Variants in ORC3 observed in about 807,000 individuals in gnomAD.
ORC3 encodes the protein homolog of latheo, Drosophila.
Under a neutral mutation model 100.7 loss-of-function variants are expected in ORC3, and 78 were observed. That is an observed-to-expected ratio of 0.77 (90% CI 0.65 to 0.94). The LOEUF (loss-of-function observed/expected upper bound fraction) is 0.94, where lower values mean the gene tolerates loss of function less well. Ranked by LOEUF, ORC3 falls within the 40% of genes least tolerant of loss-of-function variation. ORC3 has a pLI of 0.00. For synonymous variants in ORC3, 295 were observed against 289.3 expected (o/e 1.02, Z -0.20); for missense variants, 789 against 823.9 (o/e 0.96, Z 0.52).
chr6:87,610,505 G>T (rs1431236615), intron 7 of ORC3, among the ~76,000 whole-genome samples: 2 of 151,826 alleles, frequency 1.3e-5, no homozygotes, highest in African/African-American at 2.4e-5. Flanking sequence ...ACAGACATGA[G>T]CCACCACACC....
intron 14 of ORC3, among the ~76,000 whole-genome samples, chr6:87,653,937 A>T (rs766350383): frequency 3.3e-4 from 50 of 152,284 alleles, no homozygotes; most frequent in Non-Finnish European, 6.0e-4. Flanking sequence ...CTAGCTTTTC[A>T]TGGGCTCTTC....
intron 11 of ORC3, among the ~76,000 whole-genome samples, chr6:87,627,908 C>T (rs1302021939): frequency 2.0e-5 from 3 of 152,172 alleles, no homozygotes; most frequent in Non-Finnish European, 4.4e-5. Context: ...TAAGCTAGAA[C>T]TAATCTATTA....
At chr6:87,593,634 G>A (rs1419657529) in intron 1 of ORC3, among the ~76,000 whole-genome samples, 1 of 152,210 alleles carries the variant, frequency 6.6e-6, no homozygotes, top group Non-Finnish European at 1.5e-5. Context: ...TAGATACTTC[G>A]AGTTTAAATA....
rs1582103731 is a variant in ORC3 at position 87,667,055 on chromosome 6, T to C, written c.2068T>C (p.Leu690=). The part of the protein sequence containing the change: ...FIRAVSELEL[L]GFIKPTKQKT... ...TAGAGCTGTTTCTGAACTAGAACTT[T>C]TAGGATTTATAAAACCTACCAAACA... The change falls in exon 20 of 20, where the codon TTA becomes CTA. Residue 690 remains leucine, a synonymous_variant. Coordinates refer to ENST00000392844, the MANE Select transcript of ORC3 (RefSeq NM_012381.4). 6.2e-7 allele frequency: 1 copy of C among 1,613,008 alleles called. No individual in the cohort carries two copies. Among genetic ancestry groups the C allele is most frequent in the Non-Finnish European group, 8.5e-7 (1 of 1,179,588 alleles).
At chr6:87,656,116 T>A (rs1044298980) in intron 14 of ORC3, among the ~76,000 whole-genome samples, 3 of 152,190 alleles carry the variant, frequency 2.0e-5, no homozygotes, top group Admixed American at 6.5e-5. Context: ...GCAGTTATGG[T>A]TTTCTTTCCC....
chr6:87,672,000 A>G (rs537207827), downstream of ORC3, among the ~76,000 whole-genome samples: 1 of 152,322 alleles, frequency 6.6e-6, no homozygotes, highest in East Asian at 1.9e-4. Flanking sequence ...AAAATTAATG[A>G]CAGTACAAAG....
At chr6:87,626,202 G>T (rs1184099293) in intron 11 of ORC3, among the ~76,000 whole-genome samples, 20 of 152,182 alleles carry the variant, frequency 1.3e-4, no homozygotes, top group Admixed American at 1.3e-3. Flanking sequence ...CTTTAAAGTA[G>T]TTTTTTCCAG....
At chr6:87,623,622 G>A (rs1039905081) in intron 11 of ORC3, among the ~76,000 whole-genome samples, 2 of 151,412 alleles carry the variant, frequency 1.3e-5, no homozygotes, top group African/African-American at 2.4e-5. Context: ...GGTGGCTCAC[G>A]CCTATCATCC....
At position 87,653,183 on chromosome 6, in the gene ORC3, G is replaced by C; in HGVS notation, c.1450G>C (p.Glu484Gln). Residue 484 changes from glutamate (E) to glutamine (Q), a missense_variant, in exon 14 of 20, where the codon GAA becomes CAA. By Grantham distance (29) the Glu-to-Gln change is conservative. Transcript: ENST00000392844. ...KCFKVFKSYC[E>Q]NHLGSTAKRI... ...TTTCAAGGTTTTTAAGTCTTATTGT[G>C]AAAACCACCTTGGCAGCACAGCTAA... 1 of 1,613,822 alleles carries C rather than the reference G, an allele frequency of 6.2e-7. No homozygotes were observed. Among genetic ancestry groups the C allele is most frequent in the Non-Finnish European group, 8.5e-7 (1 of 1,179,776 alleles).
At chr6:87,656,849 G>T in intron 14 of ORC3, 57 bp from the exon 15 acceptor site, 1 of 1,172,972 alleles carries the variant, frequency 8.5e-7, no homozygotes, top group Non-Finnish European at 1.2e-6. Flanking sequence ...AGAAATGTTT[G>T]TTCCCTTGAC....
rs1181845630 is a variant in ORC3, at chr6:87,594,379, C to T, written c.51C>T (p.Ser17=). ...GTTGCTTTGTTTTTAAGCCAAACTC[C>T]AAAAAGAGAAAGATCTCTCTGCCAA... The part of the protein sequence containing the change: ...SKGCFVFKPN[S]KKRKISLPIE... Residue 17 remains serine (S), a synonymous_variant, in exon 2 of 20, where the codon TCC becomes TCT. Coordinates refer to ENST00000392844, the MANE Select transcript of ORC3 (RefSeq NM_012381.4). 1 of 1,583,594 alleles carries T rather than the reference C, an allele frequency of 6.3e-7. No individual in the cohort carries two copies. Among genetic ancestry groups the T allele is most frequent in the Non-Finnish European group, 8.6e-7 (1 of 1,159,208 alleles).
chr6:87,645,133 T>A (rs926544461), intron 13 of ORC3, among the ~76,000 whole-genome samples: 23 of 152,148 alleles, frequency 1.5e-4, no homozygotes, highest in Admixed American at 5.2e-4. Context: ...GTTTTTTAAA[T>A]GCTTCATTTT....
chr6:87,602,467 CTT>C (rs55807123), intron 3 of ORC3, among the ~76,000 whole-genome samples: 23 of 138,920 alleles, frequency 1.7e-4, no homozygotes, highest in Admixed American at 2.9e-4. Flanking sequence ...AGGCTGACAA[CTT>C]TTTTTTTTTT....
chr6:87,607,780 T>G lies in ORC3; in HGVS notation c.535T>G (p.Tyr179Asp). 1.2e-6 allele frequency: 2 copies of G among 1,612,730 alleles called. No individual in the cohort carries two copies. The highest frequency in any genetic ancestry group is 2.2e-5 in the South Asian group (2 of 91,022). Residue 179 changes from tyrosine (Y) to aspartate (D), a missense_variant, in exon 6 of 20, where the codon TAT (tyrosine) becomes GAT (aspartate). Around this residue, in one of 3 missense-constraint regions of ORC3, gnomAD observed 399 missense variants for 382.0 expected, o/e 1.04. Coordinates refer to ENST00000392844, the MANE Select transcript of ORC3 (RefSeq NM_012381.4). Reference protein sequence around the residue: ...SVHVTQRKTHYSMDSLSSWYM... With the variant: ...SVHVTQRKTHDSMDSLSSWYM... Reference sequence around the variant, plus strand: ...TCACGTCACCCAAAGAAAGACACATTATTCAATGGATTCACTTTCCAGTTG... The same window carrying G: ...TCACGTCACCCAAAGAAAGACACATGATTCAATGGATTCACTTTCCAGTTG...
At chr6:87,599,609 G>A (rs62417701) in intron 2 of ORC3, among the ~76,000 whole-genome samples, 10,928 of 150,660 alleles carry the variant, frequency 0.073, 545 homozygotes, top group African/African-American at 0.15. Flanking sequence ...CTAATGAACC[G>A]CCCACCTTGG....
At chr6:87,643,969 A>T (rs1768492065) in intron 13 of ORC3, among the ~76,000 whole-genome samples, 1 of 152,024 alleles carries the variant, frequency 6.6e-6, no homozygotes, top group South Asian at 2.1e-4. Flanking sequence ...ACAAGAAAAA[A>T]GTCTGTACGT....
intron 11 of ORC3, among the ~76,000 whole-genome samples, chr6:87,627,456 C>T (rs898079100): frequency 7.3e-5 from 11 of 150,026 alleles, no homozygotes; most frequent in East Asian, 3.9e-4. Flanking sequence ...TCACCACACC[C>T]GGCTAATTTT....
At chr6:87,671,452 G>A (rs867017939), downstream of ORC3, among the ~76,000 whole-genome samples, 10 of 151,914 alleles carry the variant, frequency 6.6e-5, no homozygotes, top group South Asian at 2.1e-4. Flanking sequence ...AGTTTTAGAC[G>A]TAAATTTCGA....
intron 13 of ORC3, among the ~76,000 whole-genome samples, chr6:87,645,582 T>C (rs951718026): frequency 3.3e-5 from 5 of 152,238 alleles, no homozygotes; most frequent in African/African-American, 1.2e-4. Context: ...GTTTGAGTTC[T>C]GAGTATTTTT....
Sources: gnomAD v4.1 joint callset for allele counts (sites outside exome capture counted in the v4.1 genomes callset) on GRCh38, gnomAD v4.1.1 for gene constraint, gnomAD v4.1.1 regional missense constraint, MANE v1.5 for transcripts, NCBI Gene and HGNC (gene_info 2026-07-23, HGNC 2026-07-21) for gene names.